The following RARB variants were observed in gnomAD, a reference collection of about 807,000 sequenced individuals.
The protein encoded by RARB is retinoic acid receptor beta.
A neutral mutation model predicts 51.9 loss-of-function variants in RARB; 17 were observed. That is an observed-to-expected ratio of 0.33 (90% CI 0.22 to 0.49). RARB has a LOEUF of 0.49. Ranked by LOEUF, RARB falls within the 20% of genes least tolerant of loss-of-function variation. RARB has a pLI of 0.99. For missense variants in RARB, 369 were observed against 550.8 expected (o/e 0.67, Z 3.30); for synonymous variants, 215 against 195.4 (o/e 1.10, Z -0.84).
chr3:25,188,463 G>A (rs1300655229), intron 5 of RARB, among the ~76,000 whole-genome samples: 1 of 152,092 alleles, frequency 6.6e-6, no homozygotes, highest in Admixed American at 6.6e-5. Flanking sequence ...CTATTTCCAA[G>A]AAATTAACCC....
At chr3:25,350,732 T>C (rs1705541199) in intron 5 of RARB, among the ~76,000 whole-genome samples, 2 of 152,218 alleles carry the variant, frequency 1.3e-5, no homozygotes, top group Non-Finnish European at 2.9e-5. Flanking sequence ...CATGAATGAT[T>C]ATATAAATTT....
intron 2 of RARB, among the ~76,000 whole-genome samples, chr3:24,869,493 C>T (rs548029824): frequency 5.9e-5 from 9 of 152,004 alleles, no homozygotes; most frequent in Non-Finnish European, 8.8e-5. Context: ...TAGACTAAAA[C>T]TCTGAAGGAG....
chr3:25,477,277 C>A (rs1696000609), intron 2 of RARB, among the ~76,000 whole-genome samples: 2 of 152,198 alleles, frequency 1.3e-5, no homozygotes. Flanking sequence ...ATCTTCCTAG[C>A]TGCCTATTGC....
intron 3 of RARB, among the ~76,000 whole-genome samples, chr3:25,553,162 T>G (rs1215615832): frequency 6.6e-6 from 1 of 152,078 alleles, no homozygotes; most frequent in Non-Finnish European, 1.5e-5. Flanking sequence ...TGCTTTTTTT[T>G]TTTTTTGAAA....
intron 1 of RARB, among the ~76,000 whole-genome samples, chr3:25,456,581 C>G (rs1195181680): frequency 7.7e-4 from 19 of 24,804 alleles, no homozygotes; most frequent in Non-Finnish European, 1.2e-3. Context: ...TTTTTTTTTG[C>G]CTTGCATTGT....
At chr3:24,926,650 G>A (rs1460178885) in intron 2 of RARB, among the ~76,000 whole-genome samples, 1 of 152,032 alleles carries the variant, frequency 6.6e-6, no homozygotes, top group Non-Finnish European at 1.5e-5. Context: ...GGGAAGTTGA[G>A]AGCTATTTGT....
intron 2 of RARB, among the ~76,000 whole-genome samples, chr3:25,470,685 A>G (rs193128998): frequency 1.3e-5 from 2 of 152,238 alleles, no homozygotes; most frequent in Admixed American, 6.5e-5. Context: ...GATATTAAAG[A>G]CACTCAAAAG....
chr3:25,043,670 C>G (rs1479242280), intron 2 of RARB, among the ~76,000 whole-genome samples: 1 of 151,914 alleles, frequency 6.6e-6, no homozygotes, highest in Non-Finnish European at 1.5e-5. Context: ...ATAATTATAT[C>G]AAGATGATTT....
At chr3:25,460,482 C>T (rs1000578093) in intron 1 of RARB, among the ~76,000 whole-genome samples, 1 of 145,486 alleles carries the variant, frequency 6.9e-6, no homozygotes, top group African/African-American at 2.7e-5. Flanking sequence ...GAGTCTTGCT[C>T]TGTTGCCCAG....
At chr3:25,080,385 A>G (rs1200376825) in intron 3 of RARB, among the ~76,000 whole-genome samples, 5 of 152,224 alleles carry the variant, frequency 3.3e-5, no homozygotes, top group South Asian at 4.1e-4. Context: ...TAATGCTGCT[A>G]TGAACATTGT....
At chr3:25,004,159 G>A (rs1393925416) in intron 2 of RARB, among the ~76,000 whole-genome samples, 1 of 152,060 alleles carries the variant, frequency 6.6e-6, no homozygotes, top group Non-Finnish European at 1.5e-5. Context: ...ATGTTTTTAA[G>A]GGCTAAGGCA....
chr3:24,840,248 G>T (rs952461703), intron 1 of RARB, among the ~76,000 whole-genome samples: 1 of 152,170 alleles, frequency 6.6e-6, no homozygotes, highest in Admixed American at 6.5e-5. Context: ...CAATTCTTAT[G>T]CTGTGGATTT....
chr3:24,833,542 C>T (rs1489106545), intron 1 of RARB, among the ~76,000 whole-genome samples: 1 of 152,170 alleles, frequency 6.6e-6, no homozygotes, highest in African/African-American at 2.4e-5. Flanking sequence ...TTCAATTGCC[C>T]ACTTAACGTC....
intron 2 of RARB, among the ~76,000 whole-genome samples, chr3:25,016,975 C>T (rs1442447092): frequency 6.6e-6 from 1 of 152,102 alleles, no homozygotes; most frequent in South Asian, 2.1e-4. Context: ...TTCTTCCAAC[C>T]TGGCCTTAGA....
At chr3:25,434,953 C>T (rs1559400177) in intron 1 of RARB, among the ~76,000 whole-genome samples, 2 of 152,134 alleles carry the variant, frequency 1.3e-5, no homozygotes, top group Admixed American at 6.5e-5. Context: ...GTTTTCCTCC[C>T]CTTTTTCCTT....
At chr3:25,173,842 C>T (rs978511790) in intron 4 of RARB, among the ~76,000 whole-genome samples, 1 of 152,048 alleles carries the variant, frequency 6.6e-6, no homozygotes, top group African/African-American at 2.4e-5. Context: ...GTTTAACTGC[C>T]ATGGAGAAAA....
intron 1 of RARB, among the ~76,000 whole-genome samples, chr3:25,455,652 G>A (rs1296468414): frequency 6.6e-6 from 1 of 152,164 alleles, no homozygotes; most frequent in Non-Finnish European, 1.5e-5. Context: ...GCAGTTCAGA[G>A]CAGCCCTCTC....
rs540110304 is a variant in RARB at position 25,072,858 on chromosome 3, G to A, written c.-328+12682G>A. Among the ~76,000 whole-genome samples, 59 of 152,008 alleles carry A rather than the reference G, an allele frequency of 3.9e-4. 1 individual carries two copies. Among genetic ancestry groups the A allele is most frequent in the Admixed American group, 2.9e-3 (44 of 15,274 alleles). ...CGAGTAGCTGGGACTACAGGCACCCGCCACCACGCCGGGCTAATTTTTTGT... is the reference window on the plus strand; with the variant it reads ...CGAGTAGCTGGGACTACAGGCACCCACCACCACGCCGGGCTAATTTTTTGT... On this transcript the variant is annotated intron_variant, in intron 3 of 11. Transcript: ENST00000383772.
At chr3:24,897,660 C>G (rs1559387102) in intron 2 of RARB, among the ~76,000 whole-genome samples, 1 of 151,850 alleles carries the variant, frequency 6.6e-6, no homozygotes, top group Admixed American at 6.6e-5. Context: ...CTAGGCCTTC[C>G]ATTCCTTTTA....
Sources: allele counts gnomAD v4.1 joint callset (sites outside exome capture counted in the v4.1 genomes callset), GRCh38; gene constraint gnomAD v4.1.1; transcripts MANE v1.5; gene names NCBI Gene and HGNC (gene_info 2026-07-23, HGNC 2026-07-21).